ATAD2B: variants seen among roughly 807,000 people sequenced by gnomAD.
ATAD2B encodes the protein ATPase family AAA domain containing 2B.
ATAD2B carries 40 observed loss-of-function variants against 167.6 expected under a neutral mutation model. The ratio of observed to expected loss-of-function variants is 0.24; its 90% CI spans 0.19 to 0.31. The LOEUF is 0.31. ATAD2B is among the 10% of genes least tolerant of loss of function. The pLI, the probability that ATAD2B is intolerant of heterozygous loss-of-function variation, is 1.00. For missense variants in ATAD2B, 1,242 were observed against 1,757.2 expected (o/e 0.71, Z 5.24); for synonymous variants, 579 against 596.5 (o/e 0.97, Z 0.43).
At chr2:23,839,094 C>CA (rs1690465994) in intron 13 of ATAD2B, among the ~76,000 whole-genome samples, 1 of 152,114 alleles carries the variant, frequency 6.6e-6, no homozygotes, top group Admixed American at 6.5e-5. Flanking sequence ...AACAAAAATA[C>CA]AAAATTTATG....
At chr2:23,713,435 A>G in the ATAD2B span, among the ~76,000 whole-genome samples, 2 of 151,766 alleles carry the variant, frequency 1.3e-5, no homozygotes, top group Non-Finnish European at 2.9e-5. Flanking sequence ...TTATTGACAT[A>G]TAATTCACAT....
chr2:23,849,486 T>C (rs895162731), intron 13 of ATAD2B, among the ~76,000 whole-genome samples: 1 of 152,212 alleles, frequency 6.6e-6, no homozygotes, highest in African/African-American at 2.4e-5. Flanking sequence ...TAGCTGGACA[T>C]TTTAACATAT....
chr2:23,831,034 C>T (rs1688971660), intron 14 of ATAD2B, among the ~76,000 whole-genome samples: 1 of 152,078 alleles, frequency 6.6e-6, no homozygotes, highest in Admixed American at 6.5e-5. Flanking sequence ...TTCCTTTTGT[C>T]ATACTAAAAA....
intron 20 of ATAD2B, 40 bp from the exon 21 acceptor site, chr2:23,786,263 T>C: frequency 6.7e-7 from 1 of 1,488,680 alleles, no homozygotes; most frequent in Non-Finnish European, 9.1e-7. Flanking sequence ...TCCAACGTCG[T>C]GGGCCAGGAC....
chr2:23,752,949 T>G (rs1675527969), intron 27 of ATAD2B, among the ~76,000 whole-genome samples: 1 of 152,016 alleles, frequency 6.6e-6, no homozygotes, highest in Non-Finnish European at 1.5e-5. Context: ...GTTTCACTGG[T>G]GAGGAGTATT....
chr2:23,703,287 G>A, the ATAD2B span: 1 of 1,549,480 alleles, frequency 6.5e-7, no homozygotes, highest in Non-Finnish European at 8.7e-7. Flanking sequence ...TACGTGTTTG[G>A]TGGGGTGAAC....
chr2:23,863,526 G>T lies in ATAD2B; in HGVS notation c.1334C>A (p.Thr445Lys). ...TGCTCTGGCAACCAAGGTTTTACCT[G>T]TGCCAGGAGGGCCATAAAACAAACA... is the stretch of plus-strand genomic sequence containing the variant. ...RGCLFYGPPG[T>K]GKTLVARALA... is the part of the protein sequence containing the mutation. Residue 445 changes from threonine (T) to lysine (K), a missense_variant, in exon 12 of 28, where the codon ACA becomes AAA. Coordinates refer to ENST00000238789, the MANE Select transcript of ATAD2B (RefSeq NM_017552.4). The T allele has an allele frequency of 6.4e-7, 1 of 1,572,138 alleles. No homozygotes were observed. The highest frequency in any genetic ancestry group is 2.3e-5 in the East Asian group (1 of 42,984).
At chr2:23,804,572 A>G (rs78209320) in intron 18 of ATAD2B, among the ~76,000 whole-genome samples, 3,402 of 152,168 alleles carry the variant, frequency 0.022, 138 homozygotes, top group African/African-American at 0.078. Flanking sequence ...CACCAAAACA[A>G]AAAAGTAGTA....
At chr2:23,885,934 C>A in intron 4 of ATAD2B, 105 bp from the exon 5 acceptor site, 1 of 657,356 alleles carries the variant, frequency 1.5e-6, no homozygotes. Flanking sequence ...TGTAACTACA[C>A]ACAACTTTTT....
rs1558603529 is a variant in ATAD2B at position 23,823,129 on chromosome 2, T to C, written c.2131+129A>G. On this transcript the variant is annotated intron_variant, in intron 16 of 27. Transcript: ENST00000238789. ...CATATGCCAGGCAATATGCCAGGCC[T>C]GGAATATATAGTACTGAATAAACAG... 9.7e-6 allele frequency: 8 copies of C among 824,554 alleles called. No homozygotes were observed. The South Asian group carries it at 1.5e-4, about 16-fold the overall frequency. 51.1% of individuals were successfully genotyped at this position (824,554 alleles called of 1,614,324 possible). A position where few individuals can be genotyped will look rare whatever the true frequency, so the allele number is the denominator to read the frequency against.
intron 4 of ATAD2B, among the ~76,000 whole-genome samples, chr2:23,886,075 T>A (rs538121509): frequency 6.6e-6 from 1 of 151,962 alleles, no homozygotes; most frequent in East Asian, 1.9e-4. Context: ...CTCCCGAGTA[T>A]CTGAGACTAC....
chr2:23,762,404 G>C, intron 23 of ATAD2B, 58 bp from the exon 24 acceptor site: 1 of 1,508,248 alleles, frequency 6.6e-7, no homozygotes, highest in Non-Finnish European at 8.9e-7. Context: ...TAAACCAAAA[G>C]GTTTTTAAAA....
At chr2:23,801,304 C>T (rs1409848719) in intron 18 of ATAD2B, among the ~76,000 whole-genome samples, 1 of 151,870 alleles carries the variant, frequency 6.6e-6, no homozygotes, top group South Asian at 2.1e-4. Context: ...TTGCTGGTAA[C>T]TTTTAAAGTG....
chr2:23,778,506 G>C (rs1468387393), intron 22 of ATAD2B, among the ~76,000 whole-genome samples: 1 of 152,082 alleles, frequency 6.6e-6, no homozygotes, highest in East Asian at 1.9e-4. Flanking sequence ...GGTCATTCTA[G>C]AGCAAATATG....
chr2:23,678,774 C>A, the ATAD2B span, among the ~76,000 whole-genome samples: 1 of 152,136 alleles, frequency 6.6e-6, no homozygotes, highest in Non-Finnish European at 1.5e-5. Flanking sequence ...TGTGGGTGAA[C>A]CTTAAGGACA....
At position 23,810,446 on chromosome 2, in the gene ATAD2B, C is replaced by T. The variant is rs761265177; in HGVS notation, c.2324G>A (p.Arg775Gln). 1.8e-5 allele frequency: 29 copies of T among 1,613,704 alleles called. No homozygotes were observed. The highest frequency in any genetic ancestry group is 1.8e-5 in the Non-Finnish European group (21 of 1,179,840). ...YRPRLLLSGE[R>Q]GSGQTSHLAP... is the part of the protein sequence containing the mutation. Reference sequence around the variant, plus strand: ...AAGGTGAGAAGTTTGACCTGAGCCCCGTTCTCCAGAGAGCAATAAGCGTGG... The same window carrying T: ...AAGGTGAGAAGTTTGACCTGAGCCCTGTTCTCCAGAGAGCAATAAGCGTGG... Residue 775 changes from arginine (R) to glutamine (Q), a missense_variant, in exon 18 of 28, where the codon CGG becomes CAG. Arg to Gln is a conservative substitution (Grantham distance 43). Transcript: ENST00000238789.
intron 1 of ATAD2B, among the ~76,000 whole-genome samples, chr2:23,912,407 T>C (rs567619622): frequency 1.3e-5 from 2 of 151,952 alleles, no homozygotes; most frequent in African/African-American, 4.8e-5. Flanking sequence ...CTTGGGAGGC[T>C]GAGACAGAAG....
At chr2:23,712,680 T>G in the ATAD2B span, among the ~76,000 whole-genome samples, 4 of 152,062 alleles carry the variant, frequency 2.6e-5, no homozygotes, top group African/African-American at 9.7e-5. Context: ...ACATAAGGAC[T>G]CAACTCCAAG....
chr2:23,840,137 T>C (rs1690643436), intron 13 of ATAD2B, among the ~76,000 whole-genome samples: 2 of 152,212 alleles, frequency 1.3e-5, no homozygotes, highest in Admixed American at 1.3e-4. Context: ...CACATGTTGA[T>C]GGCCACCTGG....
Sources: gnomAD v4.1 joint callset for allele counts (sites outside exome capture counted in the v4.1 genomes callset) on GRCh38, gnomAD v4.1.1 for gene constraint, MANE v1.5 for transcripts, NCBI Gene and HGNC (gene_info 2026-07-23, HGNC 2026-07-21) for gene names.